Variants in SH3GL2 observed in about 807,000 individuals in gnomAD.
SH3GL2 encodes the protein endophilin-A1.
A neutral mutation model predicts 46.0 loss-of-function variants in SH3GL2; 24 were observed. That is an observed-to-expected ratio of 0.52 (90% CI 0.38 to 0.73). The LOEUF (loss-of-function observed/expected upper bound fraction) is 0.73. Among genes scored for constraint, SH3GL2 ranks in the 30% least tolerant of loss-of-function variants. The pLI, the probability that SH3GL2 is intolerant of heterozygous loss-of-function variation, is 0.00. For missense variants in SH3GL2, 413 were observed against 424.2 expected (o/e 0.97, Z 0.23); for synonymous variants, 196 against 147.1 (o/e 1.33, Z -2.40).
At chr9:17,756,482 C>A (rs1052072006) in intron 2 of SH3GL2, among the ~76,000 whole-genome samples, 4 of 124,714 alleles carry the variant, frequency 3.2e-5, no homozygotes, top group African/African-American at 6.0e-5. Flanking sequence ...CCCCTCCCCC[C>A]ACCCCACGGC....
chr9:17,773,610 G>T (rs186662546), intron 3 of SH3GL2, among the ~76,000 whole-genome samples: 1 of 152,148 alleles, frequency 6.6e-6, no homozygotes, highest in African/African-American at 2.4e-5. Flanking sequence ...AAAATCATTT[G>T]ACCGTGTATG....
chr9:17,788,976 G>A (rs1267620635), intron 5 of SH3GL2, among the ~76,000 whole-genome samples: 2 of 152,176 alleles, frequency 1.3e-5, no homozygotes, highest in Non-Finnish European at 2.9e-5. Context: ...CAAGGAAAGA[G>A]TTTTTCCTCT....
chr9:17,758,632 CA>C (rs1823078405), intron 2 of SH3GL2, among the ~76,000 whole-genome samples: 1 of 138,486 alleles, frequency 7.2e-6, no homozygotes, highest in Non-Finnish European at 1.5e-5. Context: ...ATGGATTTGC[CA>C]AAAGTGGGTC....
intron 1 of SH3GL2, among the ~76,000 whole-genome samples, chr9:17,679,362 G>A (rs1820704086): frequency 6.6e-6 from 1 of 152,122 alleles, no homozygotes. Context: ...CTTGTAAGTT[G>A]GATTCCTAGG....
At chr9:17,623,377 A>T (rs930752726) in intron 1 of SH3GL2, among the ~76,000 whole-genome samples, 1 of 152,154 alleles carries the variant, frequency 6.6e-6, no homozygotes, top group Non-Finnish European at 1.5e-5. Context: ...ATACGTATGT[A>T]GTTCAAATGG....
intron 1 of SH3GL2, among the ~76,000 whole-genome samples, chr9:17,695,265 C>G (rs1395072556): frequency 6.6e-6 from 1 of 152,066 alleles, no homozygotes; most frequent in Non-Finnish European, 1.5e-5. Context: ...AATGCGATCC[C>G]TTTAACTTCT....
intron 1 of SH3GL2, among the ~76,000 whole-genome samples, chr9:17,636,645 A>G (rs1819551127): frequency 1.3e-5 from 2 of 152,218 alleles, no homozygotes; most frequent in South Asian, 2.1e-4. Context: ...TTTACTAGCC[A>G]TAGAGTTAAT....
intron 1 of SH3GL2, among the ~76,000 whole-genome samples, chr9:17,731,661 C>G (rs1822187595): frequency 6.6e-6 from 1 of 152,146 alleles, no homozygotes; most frequent in Non-Finnish European, 1.5e-5. Flanking sequence ...CTTACCCGGT[C>G]TCTGGTATTT....
intron 1 of SH3GL2, among the ~76,000 whole-genome samples, chr9:17,587,530 A>G (rs973461048): frequency 6.6e-6 from 1 of 152,194 alleles, no homozygotes; most frequent in Non-Finnish European, 1.5e-5. Context: ...TTTTACAGTC[A>G]TAGGGTTTTC....
intron 1 of SH3GL2, among the ~76,000 whole-genome samples, chr9:17,723,339 T>C (rs1821942696): frequency 6.6e-6 from 1 of 152,198 alleles, no homozygotes; most frequent in African/African-American, 2.4e-5. Context: ...GGTTGTTTTA[T>C]GTAATTAATA....
chr9:17,717,716 C>T (rs146720587), intron 1 of SH3GL2, among the ~76,000 whole-genome samples: 197 of 152,116 alleles, frequency 1.3e-3, no homozygotes, highest in Non-Finnish European at 2.6e-4. Context: ...GCATGCTGGG[C>T]AAGTCATAGG....
At chr9:17,742,863 G>A (rs1822568486) in intron 1 of SH3GL2, among the ~76,000 whole-genome samples, 1 of 152,042 alleles carries the variant, frequency 6.6e-6, no homozygotes, top group African/African-American at 2.4e-5. Context: ...TAGTTTTTTG[G>A]ATGATACAGG....
rs1823482252 is a variant in SH3GL2, at chr9:17,771,561, T to C, written c.187+10052T>C. Among the ~76,000 whole-genome samples the C allele has an allele frequency of 3.9e-5, 6 of 152,238 alleles. 1 individual carries two copies. In the South Asian group the frequency reaches 1.2e-3, roughly 32 times the overall value. On this transcript the variant is annotated intron_variant, in intron 3 of 8. Transcript: ENST00000380607. ...AACCTGAGAAAGCAAAGGCTGATGA[T>C]GTTAGTACACTGAGGGTTGTGTATT...
chr9:17,789,737 G>A, intron 6 of SH3GL2, 187 bp downstream of exon 6: 1 of 1,354,818 alleles, frequency 7.4e-7, no homozygotes, highest in African/African-American at 1.5e-5. Flanking sequence ...AGTTTCTTCT[G>A]CATTCCTGTA....
intron 1 of SH3GL2, among the ~76,000 whole-genome samples, chr9:17,603,366 A>G (rs1191803143): frequency 6.6e-6 from 1 of 152,194 alleles, no homozygotes; most frequent in African/African-American, 2.4e-5. Flanking sequence ...ACATTAAGCT[A>G]AGTTAAATAA....
chr9:17,788,816 G>A (rs1379901205), intron 5 of SH3GL2, among the ~76,000 whole-genome samples: 1 of 152,110 alleles, frequency 6.6e-6, no homozygotes, highest in Non-Finnish European at 1.5e-5. Flanking sequence ...TCAGTCAGCT[G>A]GGGCAAGTGT....
chr9:17,664,106 C>G (rs913824461), intron 1 of SH3GL2, among the ~76,000 whole-genome samples: 7 of 152,138 alleles, frequency 4.6e-5, no homozygotes, highest in African/African-American at 1.7e-4. Context: ...TATCCACCCT[C>G]CTAGCATTAA....
chr9:17,631,699 C>T (rs771416954), intron 1 of SH3GL2, among the ~76,000 whole-genome samples: 3 of 152,102 alleles, frequency 2.0e-5, no homozygotes, highest in South Asian at 2.1e-4. Flanking sequence ...TTTAAAACAT[C>T]CTTTATTCTC....
intron 1 of SH3GL2, among the ~76,000 whole-genome samples, chr9:17,736,827 C>T (rs1423154798): frequency 1.3e-5 from 2 of 151,980 alleles, no homozygotes; most frequent in Admixed American, 1.3e-4. Flanking sequence ...ATGAGCATTG[C>T]CTGTGGTTCC....
Sources: gnomAD v4.1 joint callset for allele counts (sites outside exome capture counted in the v4.1 genomes callset) on GRCh38, gnomAD v4.1.1 for gene constraint, MANE v1.5 for transcripts, NCBI Gene and HGNC (gene_info 2026-07-23, HGNC 2026-07-21) for gene names.